The following ARSJ variants were observed in gnomAD, a reference collection of about 807,000 sequenced individuals.
The protein encoded by ARSJ is arylsulfatase family member J, also known as arylsulfatase J.
ARSJ carries 26 observed loss-of-function variants against 35.9 expected under a neutral mutation model. The ratio of observed to expected loss-of-function variants is 0.72; its 90% confidence interval spans 0.53 to 1.00. The LOEUF (loss-of-function observed/expected upper bound fraction) is 1.00, where lower values mean the gene tolerates loss of function less well. Among genes scored for constraint, ARSJ ranks in the 50% least tolerant of loss-of-function variants. The probability of loss-of-function intolerance (pLI) is 0.00; values close to 1 mark genes in which losing one functional copy is unlikely to be tolerated. For missense variants in ARSJ, 667 were observed against 723.6 expected (o/e 0.92, Z 0.90); for synonymous variants, 294 against 267.6 (o/e 1.10, Z -0.96).
At chr4:113,968,442 G>A (rs964215134) in intron 1 of ARSJ, among the ~76,000 whole-genome samples, 6 of 152,172 alleles carry the variant, frequency 3.9e-5, no homozygotes, top group African/African-American at 1.4e-4. Context: ...GAATGCACTT[G>A]ACTCTGCCTG....
rs10428481 is a variant in ARSJ, at chr4:113,910,571, G to C, written c.399-6896C>G. Among the ~76,000 whole-genome samples the C allele has an allele frequency of 3.7e-3, 570 of 152,126 alleles. 4 individuals carry two copies. The highest frequency in any genetic ancestry group is 0.013 in the African/African-American group (549 of 41,434). On this transcript the variant is annotated intron_variant, in intron 1 of 1. Coordinates refer to ENST00000315366, the MANE Select transcript of ARSJ (RefSeq NM_024590.4). ...ACTAATTTTCCATATTCTGAAAGGT[G>C]TTTGCTTATGACTGCCTTCCAAAAG...
rs1164291619 is a variant in ARSJ at position 113,978,472 on chromosome 4, A to G, written c.363T>C (p.Ile121=). 1.9e-6 allele frequency: 3 copies of G among 1,613,402 alleles called. No individual in the cohort carries two copies. Among genetic ancestry groups the G allele is most frequent in the Non-Finnish European group, 2.5e-6 (3 of 1,179,648 alleles). ...VKLENYYVQP[I]CTPSRSQFIT... is the part of the protein sequence containing the mutation. Reference sequence around the variant, plus strand: ...TAAACTGACTCCTGGATGGTGTGCAAATAGGCTGGACATAGTAGTTCTCCA... The same window carrying G: ...TAAACTGACTCCTGGATGGTGTGCAGATAGGCTGGACATAGTAGTTCTCCA... The change falls in exon 1 of 2, where the codon ATT becomes ATC. Residue 121 remains isoleucine, a synonymous_variant. Transcript: ENST00000315366.
chr4:113,952,080 A>G (rs1279056995), intron 1 of ARSJ, among the ~76,000 whole-genome samples: 1 of 152,008 alleles, frequency 6.6e-6, no homozygotes, highest in African/African-American at 2.4e-5. Flanking sequence ...TTTTTAAGAG[A>G]CAGGGTCTCA....
At chr4:113,908,479 C>T (rs1420242909) in intron 1 of ARSJ, among the ~76,000 whole-genome samples, 1 of 152,130 alleles carries the variant, frequency 6.6e-6, no homozygotes, top group Non-Finnish European at 1.5e-5. Context: ...CCATTTTTTA[C>T]ACGTCAGCTA....
At chr4:113,945,510 ATAGT>A (rs765312339) in intron 1 of ARSJ, among the ~76,000 whole-genome samples, 5 of 152,088 alleles carry the variant, frequency 3.3e-5, no homozygotes, top group Admixed American at 2.6e-4. Context: ...TAAACTTTTA[ATAGT>A]TAGGATCAAA....
intron 1 of ARSJ, among the ~76,000 whole-genome samples, chr4:113,927,828 G>A (rs1594428240): frequency 2.0e-5 from 3 of 152,122 alleles, no homozygotes; most frequent in Admixed American, 1.3e-4. Flanking sequence ...TCAAGTCCTT[G>A]ATGGTGACAC....
chr4:113,948,241 G>T (rs1250675879), intron 1 of ARSJ, among the ~76,000 whole-genome samples: 1 of 152,054 alleles, frequency 6.6e-6, no homozygotes, highest in Non-Finnish European at 1.5e-5. Flanking sequence ...TAGTGGGCTT[G>T]TGAGTTATTT....
chr4:113,939,779 T>C (rs1297089876), intron 1 of ARSJ, among the ~76,000 whole-genome samples: 2 of 151,964 alleles, frequency 1.3e-5, no homozygotes, highest in African/African-American at 2.4e-5. Context: ...TGTTTTGTTT[T>C]GTTTTTTGTA....
At chr4:113,954,608 C>A (rs17046644) in intron 1 of ARSJ, among the ~76,000 whole-genome samples, 4,314 of 152,104 alleles carry the variant, frequency 0.028, 207 homozygotes, top group African/African-American at 0.098. Flanking sequence ...TTGGGCTGTA[C>A]AAATTGTCCC....
intron 1 of ARSJ, among the ~76,000 whole-genome samples, chr4:113,906,149 T>C (rs1449325396): frequency 3.3e-5 from 5 of 152,176 alleles, no homozygotes; most frequent in African/African-American, 1.2e-4. Context: ...AAGGGAAACA[T>C]CTATACGGGT....
chr4:113,945,010 G>A (rs192798617), intron 1 of ARSJ, among the ~76,000 whole-genome samples: 12 of 152,044 alleles, frequency 7.9e-5, no homozygotes, highest in African/African-American at 1.9e-4. Context: ...AATATTTGGC[G>A]TGTTTATATC....
At chr4:113,915,936 G>T (rs528103789) in intron 1 of ARSJ, among the ~76,000 whole-genome samples, 35 of 152,320 alleles carry the variant, frequency 2.3e-4, no homozygotes, top group African/African-American at 7.5e-4. Context: ...CCTCCAGTGA[G>T]GGTTCACTGC....
At chr4:113,966,278 T>C (rs1034847128) in intron 1 of ARSJ, among the ~76,000 whole-genome samples, 6 of 152,138 alleles carry the variant, frequency 3.9e-5, no homozygotes, top group African/African-American at 7.2e-5. Context: ...AATTGTGCAC[T>C]TTGTTTTGGT....
chr4:113,943,690 T>C (rs1304200297), intron 1 of ARSJ, among the ~76,000 whole-genome samples: 1 of 152,008 alleles, frequency 6.6e-6, no homozygotes, highest in East Asian at 1.9e-4. Context: ...GAGACTTCTT[T>C]GAGGGTGTAG....
chr4:113,937,974 C>G (rs1260948447), intron 1 of ARSJ, among the ~76,000 whole-genome samples: 1 of 151,856 alleles, frequency 6.6e-6, no homozygotes, highest in African/African-American at 2.4e-5. Context: ...AAGTAATTTG[C>G]AGATTCAATG....
At chr4:113,944,431 A>G (rs911548550) in intron 1 of ARSJ, 3 of 152,220 alleles carry the variant, frequency 2.0e-5, no homozygotes, top group Non-Finnish European at 1.5e-5. Flanking sequence ...AAGAAAAATG[A>G]TCTCATAATT....
intron 1 of ARSJ, among the ~76,000 whole-genome samples, chr4:113,910,077 A>T (rs1052699587): frequency 6.6e-6 from 1 of 152,166 alleles, no homozygotes; most frequent in African/African-American, 2.4e-5. Context: ...TTTTTGTCAC[A>T]GTCTGGCTAC....
At chr4:113,909,434 C>T (rs191333655) in intron 1 of ARSJ, among the ~76,000 whole-genome samples, 2 of 152,220 alleles carry the variant, frequency 1.3e-5, no homozygotes, top group Admixed American at 6.5e-5. Flanking sequence ...GGCTGTGCCC[C>T]CACCCAAATC....
intron 1 of ARSJ, among the ~76,000 whole-genome samples, chr4:113,922,307 T>G (rs1723732828): frequency 6.6e-6 from 1 of 152,216 alleles, no homozygotes; most frequent in Non-Finnish European, 1.5e-5. Flanking sequence ...ACTAAGAGTT[T>G]GTAATCAACA....
Sources: gnomAD v4.1 joint callset for allele counts (sites outside exome capture counted in the v4.1 genomes callset) on GRCh38, gnomAD v4.1.1 for gene constraint, MANE v1.5 for transcripts, NCBI Gene and HGNC (gene_info 2026-07-23, HGNC 2026-07-21) for gene names.